ADAM32: variants seen among roughly 807,000 people sequenced by gnomAD.
The protein encoded by ADAM32 is disintegrin and metalloproteinase domain-containing protein 32.
A neutral mutation model predicts 114.9 loss-of-function variants in ADAM32; 89 were observed. The ratio of observed to expected loss-of-function variants is 0.77; its 90% CI spans 0.65 to 0.92. The LOEUF (loss-of-function observed/expected upper bound fraction) is 0.92. Among genes scored for constraint, ADAM32 ranks in the 40% least tolerant of loss-of-function variants. The pLI is 0.00. For synonymous variants in ADAM32, 285 were observed against 307.5 expected (o/e 0.93, Z 0.77); for missense variants, 870 against 932.8 (o/e 0.93, Z 0.88).
At chr8:39,255,063 T>C (rs952985526) in intron 18 of ADAM32, among the ~76,000 whole-genome samples, 2 of 151,964 alleles carry the variant, frequency 1.3e-5, no homozygotes, top group African/African-American at 4.8e-5. Context: ...TTCCTTTTAA[T>C]GGCTGAGTAG....
chr8:39,266,883 G>T (rs928557505), intron 19 of ADAM32, among the ~76,000 whole-genome samples: 1 of 152,126 alleles, frequency 6.6e-6, no homozygotes, highest in Non-Finnish European at 1.5e-5. Flanking sequence ...TTAGGCTTAG[G>T]CAATTGGCTT....
intron 2 of ADAM32, chr8:39,129,955 CT>C (rs71552835): frequency 0.39 from 94,713 of 242,980 alleles, 11,667 homozygotes; most frequent in African/African-American, 0.56. Flanking sequence ...ATCACATTTC[CT>C]TTTTTTTTTT....
chr8:39,138,777 T>G (rs1802963110), intron 3 of ADAM32, among the ~76,000 whole-genome samples: 1 of 152,218 alleles, frequency 6.6e-6, no homozygotes, highest in South Asian at 2.1e-4. Flanking sequence ...TGAACTAATT[T>G]ACACACCCAC....
intron 10 of ADAM32, among the ~76,000 whole-genome samples, chr8:39,173,606 G>A (rs1288079337): frequency 6.6e-6 from 1 of 151,994 alleles, no homozygotes; most frequent in Non-Finnish European, 1.5e-5. Flanking sequence ...CTCCCCCTCT[G>A]TAAGTTGTCT....
At chr8:39,216,655 A>G (rs554496292) in intron 12 of ADAM32, among the ~76,000 whole-genome samples, 2 of 152,128 alleles carry the variant, frequency 1.3e-5, no homozygotes, top group East Asian at 3.9e-4. Context: ...AGCAAATACT[A>G]TCTTCTAGCC....
At chr8:39,216,683 A>G (rs1199321332) in intron 12 of ADAM32, among the ~76,000 whole-genome samples, 1 of 152,040 alleles carries the variant, frequency 6.6e-6, no homozygotes, top group African/African-American at 2.4e-5. Context: ...TTAAGCTGAT[A>G]GCAATTTAAC....
At chr8:39,223,292 C>T in intron 14 of ADAM32, 54 bp downstream of exon 14, 1 of 1,244,578 alleles carries the variant, frequency 8.0e-7, no homozygotes, top group Non-Finnish European at 1.1e-6. Flanking sequence ...TTAACATTAC[C>T]AGGATAATGG....
chr8:39,108,285 T>C (rs985356710), intron 1 of ADAM32: 13 of 152,896 alleles, frequency 8.5e-5, no homozygotes, highest in African/African-American at 3.1e-4. Flanking sequence ...CTGTCTTTTT[T>C]ATAAATTAAA....
At chr8:39,114,538 T>C (rs1489535963) in intron 1 of ADAM32, among the ~76,000 whole-genome samples, 1 of 152,214 alleles carries the variant, frequency 6.6e-6, no homozygotes, top group Non-Finnish European at 1.5e-5. Context: ...AGTTAGATAC[T>C]ACCAAGGATC....
intron 11 of ADAM32, among the ~76,000 whole-genome samples, chr8:39,203,866 G>T (rs543576945): frequency 0.027 from 4,160 of 152,132 alleles, 215 homozygotes; most frequent in African/African-American, 0.095. Flanking sequence ...GTCTGTAAAG[G>T]ATTTTATTTC....
chr8:39,112,225 A>G (rs923697692), intron 1 of ADAM32, among the ~76,000 whole-genome samples: 4 of 152,172 alleles, frequency 2.6e-5, no homozygotes, highest in Non-Finnish European at 4.4e-5. Context: ...GTAGACATAT[A>G]CGGTCCTTTT....
chr8:39,135,710 C>A (rs1339945226), intron 2 of ADAM32, among the ~76,000 whole-genome samples: 2 of 152,134 alleles, frequency 1.3e-5, no homozygotes, highest in Admixed American at 6.6e-5. Flanking sequence ...AATTTCATGA[C>A]CTTGACAGTT....
chr8:39,249,795 G>A (rs1161181943), intron 17 of ADAM32, among the ~76,000 whole-genome samples: 1 of 152,014 alleles, frequency 6.6e-6, no homozygotes, highest in Non-Finnish European at 1.5e-5. Flanking sequence ...TTATTTCAAA[G>A]GCATGTCTAC....
intron 11 of ADAM32, among the ~76,000 whole-genome samples, chr8:39,192,766 G>A (rs577540240): frequency 1.3e-5 from 2 of 152,052 alleles, no homozygotes; most frequent in South Asian, 2.1e-4. Context: ...TTTCACCTTC[G>A]CTTATGAAGC....
chr8:39,182,300 C>G (rs565866641), intron 10 of ADAM32, among the ~76,000 whole-genome samples: 2 of 152,226 alleles, frequency 1.3e-5, no homozygotes, highest in South Asian at 4.1e-4. Context: ...GCAAGTTAAA[C>G]AGTAAAGCTC....
intron 2 of ADAM32, among the ~76,000 whole-genome samples, chr8:39,126,166 T>C (rs1045236519): frequency 2.6e-5 from 4 of 152,226 alleles, no homozygotes; most frequent in African/African-American, 9.6e-5. Flanking sequence ...TCTTTTTTGG[T>C]TCCATATGAA....
At chr8:39,142,210 T>C (rs918291476) in intron 3 of ADAM32, among the ~76,000 whole-genome samples, 2 of 152,196 alleles carry the variant, frequency 1.3e-5, no homozygotes, top group African/African-American at 2.4e-5. Context: ...ATATTTATGG[T>C]TAATATTGTT....
intron 16 of ADAM32, among the ~76,000 whole-genome samples, chr8:39,237,757 A>T (rs1810273132): frequency 6.6e-6 from 1 of 151,972 alleles, no homozygotes. Context: ...GAGCTCAGAC[A>T]TGCCCAACTC....
chr8:39,202,179 T>C (rs1807468824), intron 11 of ADAM32, among the ~76,000 whole-genome samples: 1 of 152,224 alleles, frequency 6.6e-6, no homozygotes. Flanking sequence ...TTTCTATTGA[T>C]GGGAATAGTT....
Sources: allele counts gnomAD v4.1 joint callset (sites outside exome capture counted in the v4.1 genomes callset), GRCh38; gene constraint gnomAD v4.1.1; transcripts MANE v1.5; gene names NCBI Gene and HGNC (gene_info 2026-07-23, HGNC 2026-07-21).